Variants in PCDHA3 observed in about 807,000 individuals in gnomAD.
The protein encoded by PCDHA3 is protocadherin alpha-3.
Under a neutral mutation model 62.2 loss-of-function variants are expected in PCDHA3, and 41 were observed. The observed-to-expected ratio is 0.66, with a 90% CI of 0.51 to 0.86. The LOEUF (loss-of-function observed/expected upper bound fraction) is 0.86, where lower values mean the gene tolerates loss of function less well. Among genes scored for constraint, PCDHA3 ranks in the 40% least tolerant of loss-of-function variants. The pLI, the probability that PCDHA3 is intolerant of heterozygous loss-of-function variation, is 0.00. For missense variants in PCDHA3, 1,304 were observed against 1,241.2 expected, an observed-to-expected ratio of 1.05 and a Z score of -0.76; for synonymous variants, 640 against 555.4, an observed-to-expected ratio of 1.15 and a Z score of -2.14.
chr5:140,859,571 G>C (rs2045916086), intron 1 of PCDHA3: 1 of 174,150 alleles, frequency 5.7e-6, no homozygotes, highest in Non-Finnish European at 1.2e-5. Context: ...CCATGAATTT[G>C]TCATCTTGCC....
chr5:140,876,180 T>C (rs782772220), intron 1 of PCDHA3: 1 of 1,613,982 alleles, frequency 6.2e-7, no homozygotes, highest in South Asian at 1.1e-5. Context: ...TGGATGTGAA[T>C]GACAATGGTC....
chr5:140,994,892 G>A (rs1554254386), intron 3 of PCDHA3, among the ~76,000 whole-genome samples: 2 of 152,192 alleles, frequency 1.3e-5, no homozygotes, highest in Non-Finnish European at 2.9e-5. Flanking sequence ...TAGGAAATGA[G>A]ATCAGAAATG....
In PCDHA3 at chr5:140,876,730, G is replaced by A. The variant is rs1338047769; in HGVS notation, c.2394+73139G>A. ...CGCCCTGGACCGCGAGAGCGTGTCG[G>A]CCTATGAGCTGGTGGTGACTGCGCG... On this transcript the variant is annotated intron_variant, in intron 1 of 3. Transcript: ENST00000522353. 1.2e-6 allele frequency: 2 copies of A among 1,614,254 alleles called. No individual in the cohort carries two copies. The highest frequency in any genetic ancestry group is 1.7e-6 in the Non-Finnish European group (2 of 1,180,050).
intron 1 of PCDHA3, chr5:140,805,370 TA>T (rs2149984149): frequency 8.7e-7 from 1 of 1,148,324 alleles, no homozygotes; most frequent in South Asian, 2.8e-5. Flanking sequence ...GGTCCCCACA[TA>T]GTGAAAGTAC....
At chr5:140,954,781 T>A (rs1312700733) in intron 1 of PCDHA3, among the ~76,000 whole-genome samples, 1 of 152,208 alleles carries the variant, frequency 6.6e-6, no homozygotes, top group Non-Finnish European at 1.5e-5. Flanking sequence ...TTTAATTAGA[T>A]CTCATTTGTC....
intron 1 of PCDHA3, chr5:140,866,690 A>G (rs1371582983): frequency 1.3e-5 from 2 of 152,178 alleles, no homozygotes; most frequent in Non-Finnish European, 2.9e-5. Flanking sequence ...CTGTTAGAAT[A>G]TCAGTGGATG....
chr5:140,849,329 T>A (rs1581180148), intron 1 of PCDHA3: 2 of 1,371,780 alleles, frequency 1.5e-6, no homozygotes, highest in East Asian at 4.8e-5. Flanking sequence ...GGGATATTAT[T>A]TACTCCTTCT....
chr5:140,851,300 A>G (rs2042018039), intron 1 of PCDHA3: 2 of 1,017,502 alleles, frequency 2.0e-6, no homozygotes, highest in East Asian at 1.2e-4. Context: ...GCAAAAATAT[A>G]TAGCAATTGT....
At chr5:140,935,234 T>C (rs1160112983) in intron 1 of PCDHA3, among the ~76,000 whole-genome samples, 8 of 152,190 alleles carry the variant, frequency 5.3e-5, no homozygotes, top group Non-Finnish European at 1.2e-4. Context: ...GGATGTCTAT[T>C]TTTTAAAAGA....
chr5:140,833,532 G>C (rs2150209285), intron 1 of PCDHA3, among the ~76,000 whole-genome samples: 1 of 152,154 alleles, frequency 6.6e-6, no homozygotes, highest in Non-Finnish European at 1.5e-5. Context: ...ACACACAAGT[G>C]TTCGAAAGGA....
chr5:141,009,771 T>A lies in PCDHA3; in HGVS notation c.2687T>A (p.Ile896Asn). The change falls in exon 4 of 4, where the codon ATC (isoleucine) becomes AAC (asparagine). Residue 896 changes from isoleucine (I) to asparagine (N), a missense_variant. Transcript: ENST00000522353. The part of the protein sequence containing the change: ...DKFIIPGSPA[I>N]ISIRQEPTNS... ...TTCATTATCCCAGGATCTCCTGCAA[T>A]CATCTCCATCCGGCAGGAGCCTACT... 3 of 1,614,082 alleles carry A rather than the reference T, an allele frequency of 1.9e-6. No homozygotes were observed. Among genetic ancestry groups the A allele is most frequent in the Non-Finnish European group, 2.5e-6 (3 of 1,180,020 alleles).
chr5:140,908,824 C>T (rs1199416548), intron 1 of PCDHA3, among the ~76,000 whole-genome samples: 1 of 152,082 alleles, frequency 6.6e-6, no homozygotes, highest in African/African-American at 2.4e-5. Flanking sequence ...TTGGGTTACT[C>T]GATAAATGGG....
chr5:140,968,569 C>G (rs1554230875), intron 1 of PCDHA3: 18 of 1,614,086 alleles, frequency 1.1e-5, no homozygotes, highest in Non-Finnish European at 1.5e-5. Context: ...CCCCTGCTGG[C>G]TACCTGGTCA....
intron 3 of PCDHA3, among the ~76,000 whole-genome samples, chr5:141,000,542 C>T (rs1331109215): frequency 6.7e-6 from 1 of 148,268 alleles, no homozygotes; most frequent in Non-Finnish European, 1.5e-5. Context: ...ATTCTCATGC[C>T]TCAAACTCCC....
chr5:140,939,634 G>T (rs1032922800), intron 1 of PCDHA3, among the ~76,000 whole-genome samples: 12 of 152,184 alleles, frequency 7.9e-5, no homozygotes, highest in South Asian at 4.1e-4. Flanking sequence ...AATCAATAAG[G>T]GTACTGAAAA....
At chr5:140,888,649 A>G (rs1554183557) in intron 1 of PCDHA3, among the ~76,000 whole-genome samples, 1 of 152,210 alleles carries the variant, frequency 6.6e-6, no homozygotes, top group African/African-American at 2.4e-5. Flanking sequence ...TACTTTCCTG[A>G]GGACACCACC....
intron 3 of PCDHA3, among the ~76,000 whole-genome samples, chr5:140,985,544 G>T (rs1426303468): frequency 6.6e-6 from 1 of 152,108 alleles, no homozygotes; most frequent in Non-Finnish European, 1.5e-5. Flanking sequence ...TGAAGATGCA[G>T]TTGCTTCCAA....
chr5:140,860,923 G>A (rs1419430467), intron 1 of PCDHA3: 5 of 152,248 alleles, frequency 3.3e-5, no homozygotes, highest in African/African-American at 9.7e-5. Flanking sequence ...ATTTTTAGTA[G>A]AGACGAGGTT....
chr5:140,844,617 C>G lies in PCDHA3; in HGVS notation c.2394+41026C>G, dbSNP rs1271034254. 1.3e-5 allele frequency among the ~76,000 whole-genome samples: 2 copies of G among 149,204 alleles called. 1 individual carries two copies. The highest frequency in any genetic ancestry group is 4.9e-5 in the African/African-American group (2 of 40,768). ...AATATATGACTTAGAAAAATGTTTT[C>G]ATCAGAAAAACTATACATGATAATT... On this transcript the variant is annotated intron_variant, in intron 1 of 3. Coordinates refer to ENST00000522353, the MANE Select transcript of PCDHA3 (RefSeq NM_018906.3).
Sources: gnomAD v4.1 joint callset for allele counts (sites outside exome capture counted in the v4.1 genomes callset) on GRCh38, gnomAD v4.1.1 for gene constraint, MANE v1.5 for transcripts, NCBI Gene and HGNC (gene_info 2026-07-23, HGNC 2026-07-21) for gene names.